PKD1L1: variants seen among roughly 807,000 people sequenced by gnomAD.
PKD1L1 encodes polycystin 1 like 1, transient receptor potential channel interacting, also known as polycystin-1-like protein 1.
A neutral mutation model predicts 323.4 loss-of-function variants in PKD1L1; 236 were observed. That is an observed-to-expected ratio of 0.73 (90% confidence interval 0.66 to 0.81). The LOEUF (loss-of-function observed/expected upper bound fraction) is 0.81. Among genes scored for constraint, PKD1L1 ranks in the 40% least tolerant of loss-of-function variants. PKD1L1 has a pLI of 0.00. For missense variants in PKD1L1, 3,320 were observed against 3,508.0 expected (o/e 0.95, Z 1.35); for synonymous variants, 1,344 against 1,335.0 (o/e 1.01, Z -0.15).
intron 55 of PKD1L1, among the ~76,000 whole-genome samples, chr7:47,793,296 G>T (rs1484222423): frequency 6.6e-6 from 1 of 152,114 alleles, no homozygotes; most frequent in Non-Finnish European, 1.5e-5. Flanking sequence ...TGGTTTGGTT[G>T]TGTCCCCATT....
intron 13 of PKD1L1, among the ~76,000 whole-genome samples, chr7:47,901,150 C>G (rs942765943): frequency 6.6e-6 from 1 of 151,864 alleles, no homozygotes; most frequent in Non-Finnish European, 1.5e-5. Flanking sequence ...GACCAGCTAG[C>G]CTGGCCAATA....
At chr7:47,781,511 C>A (rs1419133651) in intron 56 of PKD1L1, among the ~76,000 whole-genome samples, 1 of 150,346 alleles carries the variant, frequency 6.7e-6, no homozygotes, top group Non-Finnish European at 1.5e-5. Flanking sequence ...TGGGTTCATG[C>A]CATTCTCCTG....
intron 21 of PKD1L1, among the ~76,000 whole-genome samples, chr7:47,878,497 A>G (rs1344636377): frequency 6.6e-6 from 1 of 152,222 alleles, no homozygotes; most frequent in Non-Finnish European, 1.5e-5. Context: ...CCTCTGCTAC[A>G]CACCAGGTGC....
intron 30 of PKD1L1, among the ~76,000 whole-genome samples, chr7:47,854,144 A>C (rs1268493917): frequency 1.9e-4 from 29 of 152,220 alleles, no homozygotes; most frequent in Admixed American, 1.7e-3. Context: ...TCAGGCCAAT[A>C]AGCAGAGATT....
At chr7:47,890,972 C>A (rs112101743) in intron 15 of PKD1L1, among the ~76,000 whole-genome samples, 18 of 152,258 alleles carry the variant, frequency 1.2e-4, no homozygotes, top group African/African-American at 4.3e-4. Context: ...CTCAGGCCAC[C>A]CCTCCCGACT....
chr7:47,796,174 A>G (rs1784522811), intron 54 of PKD1L1, 24 bp from the exon 55 acceptor site: 1 of 1,549,218 alleles, frequency 6.5e-7, no homozygotes, highest in Non-Finnish European at 8.8e-7. Flanking sequence ...AAAAATAAAG[A>G]CAAATTTCAT....
intron 26 of PKD1L1, among the ~76,000 whole-genome samples, chr7:47,864,032 C>CAG (rs1309648282): frequency 6.6e-6 from 1 of 151,982 alleles, no homozygotes; most frequent in African/African-American, 2.4e-5. Context: ...TAAGCATGTG[C>CAG]AGGATCATTC....
At position 47,775,085 on chromosome 7, in the gene PKD1L1, C is replaced by T; in HGVS notation, c.*58G>A. On this transcript the variant is annotated 3_prime_UTR_variant, in exon 57 of 57. Coordinates refer to ENST00000289672, the MANE Select transcript of PKD1L1 (RefSeq NM_138295.5). ...AAACTAGGATGTCTGCTAAAATTGGCTGTTGGGTGGGTTAAGCAAAACAGG... is the reference window on the plus strand; with the variant it reads ...AAACTAGGATGTCTGCTAAAATTGGTTGTTGGGTGGGTTAAGCAAAACAGG... 6.3e-7 allele frequency: 1 copy of T among 1,582,424 alleles called. No homozygotes were observed. The highest frequency in any genetic ancestry group is 1.1e-5 in the South Asian group (1 of 87,422).
Position 47,831,401 on chromosome 7 carries a change from C to T in PKD1L1, c.6338-49G>A, listed in dbSNP as rs377655889. 7.0e-6 allele frequency: 11 copies of T among 1,571,784 alleles called. No individual in the cohort carries two copies. In the African/African-American group the frequency reaches 1.5e-4, roughly 21 times the overall value. ...AAGGCAGCTTAAGAGACCTCGGCAT[C>T]TCCATCCACGCGGAGTGTGGTGGTG... On this transcript the variant is annotated intron_variant, in intron 41 of 56. Transcript: ENST00000289672.
intron 55 of PKD1L1, 30 bp downstream of exon 55, chr7:47,795,959 T>C (rs527752517): frequency 1.2e-6 from 2 of 1,600,178 alleles, no homozygotes; most frequent in African/African-American, 1.3e-5. Flanking sequence ...TGTGCTATCA[T>C]GCTCAGTAAT....
rs530845265 is a variant in PKD1L1 at position 47,786,242 on chromosome 7, GGCTACGTAAAC to G, written c.8526+6374_8526+6384del. The stretch of plus-strand genomic sequence containing the variant: ...TTCTTTGACAGTCACCTGTGACGGG[GGCTACGTAAAC>G]GCATTGGGAAAAGCTAAGTATTCTA... On this transcript the variant is annotated intron_variant, in intron 56 of 56. Coordinates refer to ENST00000289672, the MANE Select transcript of PKD1L1 (RefSeq NM_138295.5). Among the ~76,000 whole-genome samples the G allele has an allele frequency of 4.9e-3, 744 of 152,262 alleles. 2 individuals are homozygous for G. Among genetic ancestry groups the G allele is most frequent in the Admixed American group, 5.7e-3 (87 of 15,290 alleles).
chr7:47,868,049 C>T (rs73105139), intron 24 of PKD1L1, among the ~76,000 whole-genome samples: 29,219 of 152,132 alleles, frequency 0.19, 3,026 homozygotes, highest in Middle Eastern at 0.24. Context: ...CTGTTGGGCC[C>T]ATAACACACA....
At position 47,881,834 on chromosome 7, in the gene PKD1L1, A is replaced by G. The variant is rs1296243915; in HGVS notation, c.3442+75T>C. ...ACTTATCTAGTAAAACGAAAAGTTC[A>G]GAAGAAATTGAGGGCTGATATCTAA... On this transcript the variant is annotated intron_variant, in intron 20 of 56. Transcript: ENST00000289672. The G allele has an allele frequency of 3.5e-6, 5 of 1,426,820 alleles. No individual in the cohort carries two copies. In the East Asian group the frequency reaches 7.0e-5, roughly 20 times the overall value. The allele number at this position is 1,426,820 out of a possible 1,614,324, so 88.4% of individuals were successfully genotyped here.
the PKD1L1 span, among the ~76,000 whole-genome samples, chr7:47,958,598 A>C: frequency 6.6e-6 from 1 of 152,242 alleles, no homozygotes; most frequent in African/African-American, 2.4e-5. Context: ...ATCAAACTAC[A>C]TCAAACTAAA....
At chr7:47,920,635 C>T (rs1287569641) in intron 7 of PKD1L1, among the ~76,000 whole-genome samples, 1 of 152,174 alleles carries the variant, frequency 6.6e-6, no homozygotes, top group African/African-American at 2.4e-5. Context: ...TACCTGACTT[C>T]AAACTATATT....
chr7:47,862,070 C>T (rs1371971801), intron 26 of PKD1L1, among the ~76,000 whole-genome samples: 2 of 151,368 alleles, frequency 1.3e-5, no homozygotes, highest in Admixed American at 1.3e-4. Context: ...TGGCGTGCAC[C>T]TGTAATCCCA....
At chr7:47,802,889 G>T (rs1178129619) in intron 53 of PKD1L1, among the ~76,000 whole-genome samples, 1 of 152,222 alleles carries the variant, frequency 6.6e-6, no homozygotes, top group Non-Finnish European at 1.5e-5. Context: ...ATCTATGAGA[G>T]GCCCAAAGTG....
In PKD1L1 at chr7:47,929,985, T is replaced by G. The variant is rs546881734; in HGVS notation, c.738-459A>C. Among the ~76,000 whole-genome samples the G allele has an allele frequency of 6.6e-5, 10 of 152,340 alleles. No individual in the cohort carries two copies. The East Asian group carries it at 1.9e-3, about 29-fold the overall frequency. ...CACCCTTTCTACATTTCTCCCTAGC[T>G]CCTTGTGCTGCAAATTGGTTGGGGA... On this transcript the variant is annotated intron_variant, in intron 6 of 56. Coordinates refer to ENST00000289672, the MANE Select transcript of PKD1L1 (RefSeq NM_138295.5).
Position 47,912,282 on chromosome 7 carries a change from C to T in PKD1L1, c.1228+3150G>A, listed in dbSNP as rs748846064. Among the ~76,000 whole-genome samples, 58 of 151,842 alleles carry T rather than the reference C, an allele frequency of 3.8e-4. 1 individual carries two copies. The highest frequency in any genetic ancestry group is 7.9e-4 in the Admixed American group (12 of 15,232). On this transcript the variant is annotated intron_variant, in intron 8 of 56. Coordinates refer to ENST00000289672, the MANE Select transcript of PKD1L1 (RefSeq NM_138295.5). ...AGAGGAAAATATGAGGAAAGCGGATCAGATGAAAAAGGAAAAACAAAAAAG... is the reference window on the plus strand; with the variant it reads ...AGAGGAAAATATGAGGAAAGCGGATTAGATGAAAAAGGAAAAACAAAAAAG...
Sources: gnomAD v4.1 joint callset for allele counts (sites outside exome capture counted in the v4.1 genomes callset) on GRCh38, gnomAD v4.1.1 for gene constraint, MANE v1.5 for transcripts, NCBI Gene and HGNC (gene_info 2026-07-23, HGNC 2026-07-21) for gene names.